Variants in METTL24 observed in about 807,000 individuals in gnomAD.
METTL24 encodes the protein probable methyltransferase-like protein 24.
A neutral mutation model predicts 32.7 loss-of-function variants in METTL24; 29 were observed. That is an observed-to-expected ratio of 0.89 (90% confidence interval 0.66 to 1.21). The LOEUF is 1.21. Among genes scored for constraint, METTL24 ranks in the 50% most tolerant of loss-of-function variants. The pLI is 0.00. For synonymous variants in METTL24, 163 were observed against 179.5 expected (o/e 0.91, Z 0.73); for missense variants, 439 against 468.1 (o/e 0.94, Z 0.57).
At chr6:110,306,066 G>C (rs886556700) in intron 3 of METTL24, among the ~76,000 whole-genome samples, 1 of 149,700 alleles carries the variant, frequency 6.7e-6, no homozygotes. Flanking sequence ...TCAGCAAACC[G>C]AACACCACAT....
rs544197871 is a variant in METTL24, at chr6:110,268,717, CA to C, written c.787-22458del. On this transcript the variant is annotated intron_variant, in intron 4 of 4. Coordinates refer to ENST00000338882, the MANE Select transcript of METTL24 (RefSeq NM_001123364.3). ...ATTAACTTCATAGGTTCTGTATGACCAAATGGCATAATTTGGGGCTGGGACA... is the reference window on the plus strand; with the variant it reads ...ATTAACTTCATAGGTTCTGTATGACCAATGGCATAATTTGGGGCTGGGACA... 1.8e-3 allele frequency among the ~76,000 whole-genome samples: 275 copies of C among 152,188 alleles called. 1 individual carries two copies. Among genetic ancestry groups the C allele is most frequent in the African/African-American group, 5.5e-3 (229 of 41,538 alleles).
At chr6:110,339,001 C>T (rs1241588135) in intron 1 of METTL24, among the ~76,000 whole-genome samples, 1 of 152,174 alleles carries the variant, frequency 6.6e-6, no homozygotes, top group Non-Finnish European at 1.5e-5. Flanking sequence ...ACCTCCTGGT[C>T]ATAACTGTTC....
rs867690155 is a variant in METTL24, at chr6:110,311,468, G to C, written c.557+3874C>G. Among the ~76,000 whole-genome samples the C allele has an allele frequency of 3.8e-3, 362 of 95,742 alleles. 1 individual carries two copies. The highest frequency in any genetic ancestry group is 0.015 in the African/African-American group (341 of 23,190). 62.8% of individuals were successfully genotyped at this position (95,742 alleles called of 152,430 possible). On this transcript the variant is annotated intron_variant, in intron 3 of 4. Transcript: ENST00000338882. ...TTCTTTTCTTTTCTTTTCTTTCTTT[G>C]TTTTTTTTTTTTTTTTTTTTTTTGA... is the stretch of plus-strand genomic sequence containing the variant.
intron 4 of METTL24, among the ~76,000 whole-genome samples, chr6:110,264,693 T>G (rs1248746775): frequency 6.6e-6 from 1 of 152,174 alleles, no homozygotes; most frequent in East Asian, 1.9e-4. Flanking sequence ...TGTGGCACTA[T>G]TCACAATAGC....
intron 1 of METTL24, among the ~76,000 whole-genome samples, chr6:110,324,750 GT>G (rs1247645035): frequency 6.6e-6 from 1 of 152,162 alleles, no homozygotes; most frequent in African/African-American, 2.4e-5. Flanking sequence ...CATCTTTCCA[GT>G]TAATGCCTCC....
At chr6:110,355,696 G>A (rs940752294) in intron 1 of METTL24, among the ~76,000 whole-genome samples, 2 of 152,166 alleles carry the variant, frequency 1.3e-5, no homozygotes, top group Non-Finnish European at 1.5e-5. Flanking sequence ...ATGCCTGAAG[G>A]ATATCTTAAA....
At chr6:110,302,432 CAT>C (rs1447600936) in intron 3 of METTL24, among the ~76,000 whole-genome samples, 2 of 136,338 alleles carry the variant, frequency 1.5e-5, no homozygotes, top group African/African-American at 6.0e-5. Flanking sequence ...TATACACACA[CAT>C]ATGTGTATAT....
At chr6:110,286,240 G>C (rs574488984) in intron 4 of METTL24, among the ~76,000 whole-genome samples, 1 of 152,270 alleles carries the variant, frequency 6.6e-6, no homozygotes, top group African/African-American at 2.4e-5. Context: ...GCACAAAAGA[G>C]GGTGCGGGAT....
intron 4 of METTL24, among the ~76,000 whole-genome samples, chr6:110,288,982 G>A (rs1036301445): frequency 6.6e-6 from 1 of 152,176 alleles, no homozygotes; most frequent in Non-Finnish European, 1.5e-5. Flanking sequence ...GAAGATGGGA[G>A]GAGAGTGACA....
intron 4 of METTL24, among the ~76,000 whole-genome samples, chr6:110,250,633 A>G (rs1479106539): frequency 1.3e-5 from 2 of 148,940 alleles, no homozygotes; most frequent in Non-Finnish European, 3.0e-5. Flanking sequence ...AGTTAGGAAA[A>G]GCGCCCTACT....
intron 3 of METTL24, among the ~76,000 whole-genome samples, chr6:110,302,756 C>T (rs912871920): frequency 1.3e-5 from 2 of 151,890 alleles, no homozygotes; most frequent in Non-Finnish European, 2.9e-5. Context: ...CTGTTTAAGA[C>T]ACTTTATTAT....
At chr6:110,254,640 A>C (rs1778350058) in intron 4 of METTL24, among the ~76,000 whole-genome samples, 1 of 152,194 alleles carries the variant, frequency 6.6e-6, no homozygotes, top group South Asian at 2.1e-4. Flanking sequence ...AAAAGAAATA[A>C]AATAAATACA....
At chr6:110,307,428 A>G (rs1437924331) in intron 3 of METTL24, among the ~76,000 whole-genome samples, 1 of 152,224 alleles carries the variant, frequency 6.6e-6, no homozygotes, top group Non-Finnish European at 1.5e-5. Context: ...GAAATATTTT[A>G]TTTAATGTTT....
intron 1 of METTL24, among the ~76,000 whole-genome samples, chr6:110,347,118 T>C (rs1405644849): frequency 1.3e-5 from 2 of 152,242 alleles, no homozygotes; most frequent in Non-Finnish European, 2.9e-5. Flanking sequence ...GCCTCTTGTT[T>C]ACAAGATTTT....
intron 3 of METTL24, among the ~76,000 whole-genome samples, chr6:110,310,339 T>C (rs1490714810): frequency 6.6e-6 from 1 of 152,174 alleles, no homozygotes; most frequent in Non-Finnish European, 1.5e-5. Flanking sequence ...TGCCCACGCC[T>C]ACCCCTAAAA....
chr6:110,245,482 G>A lies in METTL24; in HGVS notation c.*464C>T, dbSNP rs1778137383. Reference sequence around the variant, plus strand: ...AGAAGGAATGACTGAAATCTACAAGGTTGTAAAGAATATCATTAACAAGGT... The same window carrying A: ...AGAAGGAATGACTGAAATCTACAAGATTGTAAAGAATATCATTAACAAGGT... On this transcript the variant is annotated 3_prime_UTR_variant, in exon 5 of 5. Coordinates refer to ENST00000338882, the MANE Select transcript of METTL24 (RefSeq NM_001123364.3). Among the ~76,000 whole-genome samples the A allele has an allele frequency of 6.6e-6, 1 of 152,154 alleles. No individual in the cohort carries two copies. Among genetic ancestry groups the A allele is most frequent in the Admixed American group, 6.5e-5 (1 of 15,272 alleles).
chr6:110,317,176 T>G (rs1771835481), intron 2 of METTL24, among the ~76,000 whole-genome samples: 1 of 152,178 alleles, frequency 6.6e-6, no homozygotes, highest in African/African-American at 2.4e-5. Context: ...GAATCCACTA[T>G]TTTTCTACTT....
chr6:110,297,052 C>A (rs1326551568), intron 4 of METTL24, among the ~76,000 whole-genome samples: 1 of 152,182 alleles, frequency 6.6e-6, no homozygotes, highest in Non-Finnish European at 1.5e-5. Flanking sequence ...CTTTTAAATT[C>A]TTCAACAAGG....
intron 2 of METTL24, among the ~76,000 whole-genome samples, chr6:110,315,927 T>C (rs1771812045): frequency 6.6e-6 from 1 of 152,066 alleles, no homozygotes; most frequent in South Asian, 2.1e-4. Flanking sequence ...GTCCCTACTA[T>C]AAGATGTGAG....
Sources: allele counts gnomAD v4.1 joint callset (sites outside exome capture counted in the v4.1 genomes callset), GRCh38; gene constraint gnomAD v4.1.1; transcripts MANE v1.5; gene names NCBI Gene and HGNC (gene_info 2026-07-23, HGNC 2026-07-21).